The following AOPEP variants were observed in gnomAD, a reference collection of about 807,000 sequenced individuals.
AOPEP encodes the protein aminopeptidase O (putative), also known as aminopeptidase O.
AOPEP carries 77 observed loss-of-function variants against 98.1 expected under a neutral mutation model. The observed-to-expected ratio is 0.78, with a 90% CI of 0.65 to 0.95. AOPEP has a LOEUF of 0.95. Ranked by LOEUF, AOPEP falls within the 40% of genes least tolerant of loss-of-function variation. AOPEP has a pLI of 0.00. For missense variants in AOPEP, 1,024 were observed against 1,024.7 expected, an observed-to-expected ratio of 1.00 and a Z score of 0.01; for synonymous variants, 346 against 365.3, an observed-to-expected ratio of 0.95 and a Z score of 0.60.
intron 5 of AOPEP, among the ~76,000 whole-genome samples, chr9:94,830,430 C>T (rs966700007): frequency 2.0e-5 from 3 of 152,192 alleles, no homozygotes; most frequent in African/African-American, 7.2e-5. Flanking sequence ...TTTTCTTTAT[C>T]CAGCTTATCT....
the AOPEP span, among the ~76,000 whole-genome samples, chr9:95,108,963 T>C: frequency 1.3e-5 from 2 of 151,902 alleles, no homozygotes; most frequent in Admixed American, 6.6e-5. Context: ...TGGAATGCAG[T>C]GGTGCAATCT....
rs544821131 is a variant in AOPEP at position 95,085,098 on chromosome 9, CA to C, written c.*5-1581del. The C allele has an allele frequency of 9.5e-4, 361 of 378,894 alleles. 1 individual carries two copies. The highest frequency in any genetic ancestry group is 1.6e-3 in the Non-Finnish European group (304 of 185,262). 23.5% of individuals were successfully genotyped at this position (378,894 alleles called of 1,614,324 possible). ...TCTAGGATGCCAACTAAACGAACAA[CA>C]AACAGAAACTCCACCTGTTTGCTAG... On this transcript the variant is annotated intron_variant, in intron 16 of 16. Transcript: ENST00000375315.
At position 95,060,992 on chromosome 9, in the gene AOPEP, AT is replaced by A. The variant is rs1044830033; in HGVS notation, c.2232+186del. ...TTATGCTTATGCTTCTAATCAGAGT[AT>A]TTTGAGGTCTTAAGTTTTTCCCTCT... On this transcript the variant is annotated intron_variant, in intron 14 of 16. Transcript: ENST00000375315. The A allele has an allele frequency of 2.2e-4, 114 of 525,170 alleles. 1 individual carries two copies. The South Asian group carries it at 2.4e-3, about 11-fold the overall frequency. The allele number at this position is 525,170 out of a possible 1,614,324, so 32.5% of individuals were successfully genotyped here.
At chr9:95,079,786 A>G (rs1027253517) in intron 14 of AOPEP, among the ~76,000 whole-genome samples, 19 of 152,198 alleles carry the variant, frequency 1.2e-4, no homozygotes, top group African/African-American at 4.6e-4. Context: ...GTATCTTTTA[A>G]AAGAACAGCA....
At chr9:95,126,521 A>C in the AOPEP span, 1 of 1,613,544 alleles carries the variant, frequency 6.2e-7, no homozygotes, top group Non-Finnish European at 8.5e-7. Context: ...AAACAGTGTA[A>C]CGTTTACCTG....
rs146176950 is a variant in AOPEP, at chr9:95,035,827, A to ATT, written c.2116-24856_2116-24855dup. ...TGAGCCACTGCGCCCAGCCCAGATA[A>ATT]TTTTTTTTTTTTAAAGAAATTGCTG... On this transcript the variant is annotated intron_variant, in intron 13 of 16. Transcript: ENST00000375315. Among the ~76,000 whole-genome samples the ATT allele has an allele frequency of 9.1e-3, 1,347 of 147,470 alleles. 22 individuals are homozygous for ATT. Among genetic ancestry groups the ATT allele is most frequent in the African/African-American group, 0.032 (1,284 of 40,448 alleles).
chr9:94,906,765 G>A (rs2051208780), intron 5 of AOPEP, among the ~76,000 whole-genome samples: 1 of 152,198 alleles, frequency 6.6e-6, no homozygotes, highest in Non-Finnish European at 1.5e-5. Flanking sequence ...GTTTGCTAAT[G>A]TATCCCAAGC....
intron 4 of AOPEP, among the ~76,000 whole-genome samples, chr9:94,797,184 A>C (rs2133617078): frequency 6.6e-6 from 1 of 152,346 alleles, no homozygotes; most frequent in African/African-American, 2.4e-5. Context: ...CATTAATCCC[A>C]GCAATTTGGG....
the AOPEP span, chr9:95,101,608 C>G: frequency 1.1e-5 from 16 of 1,437,684 alleles, no homozygotes; most frequent in Non-Finnish European, 1.4e-5. Flanking sequence ...CCAGCGAGGG[C>G]ACTTACTCCA....
At chr9:95,147,044 G>A in the AOPEP span, among the ~76,000 whole-genome samples, 2 of 149,858 alleles carry the variant, frequency 1.3e-5, no homozygotes, top group Non-Finnish European at 3.0e-5. Context: ...TATATACAGT[G>A]TATATTTTAC....
intron 2 of AOPEP, among the ~76,000 whole-genome samples, chr9:94,764,021 G>C (rs1839002988): frequency 1.3e-5 from 2 of 152,284 alleles, no homozygotes; most frequent in South Asian, 2.1e-4. Flanking sequence ...CTGCCGAAGA[G>C]AACAGAATGG....
At chr9:94,795,029 A>T (rs1324339040) in intron 4 of AOPEP, among the ~76,000 whole-genome samples, 1 of 152,228 alleles carries the variant, frequency 6.6e-6, no homozygotes, top group Non-Finnish European at 1.5e-5. Flanking sequence ...GTCAGAAACT[A>T]AGTCTTGATC....
intron 1 of AOPEP, among the ~76,000 whole-genome samples, chr9:94,729,534 C>G (rs1830022035): frequency 2.0e-5 from 3 of 150,272 alleles, no homozygotes; most frequent in Admixed American, 2.0e-4. Flanking sequence ...GGTGGCGCCA[C>G]TGCACTCCAG....
At chr9:95,065,141 A>G (rs1025986090) in intron 14 of AOPEP, among the ~76,000 whole-genome samples, 2 of 152,242 alleles carry the variant, frequency 1.3e-5, no homozygotes, top group African/African-American at 4.8e-5. Flanking sequence ...CTTAGAGGAA[A>G]GGTTAGATAT....
At chr9:95,143,676 T>A in the AOPEP span, among the ~76,000 whole-genome samples, 4 of 152,196 alleles carry the variant, frequency 2.6e-5, no homozygotes, top group Non-Finnish European at 5.9e-5. Context: ...AAATTCTCCA[T>A]CCAGTCTTCA....
At chr9:94,849,498 C>A (rs1162392793) in intron 5 of AOPEP, among the ~76,000 whole-genome samples, 1 of 72,572 alleles carries the variant, frequency 1.4e-5, no homozygotes, top group Non-Finnish European at 2.5e-5. Context: ...TTTTTTCTTT[C>A]TTTCTTTCTT....
chr9:94,762,185 C>T (rs948936297), intron 2 of AOPEP, among the ~76,000 whole-genome samples: 15 of 152,174 alleles, frequency 9.9e-5, no homozygotes, highest in African/African-American at 3.1e-4. Flanking sequence ...CGGTGGCTCA[C>T]GCCTGTAATC....
intron 7 of AOPEP, among the ~76,000 whole-genome samples, chr9:94,948,277 C>T (rs1383772687): frequency 6.6e-6 from 1 of 151,920 alleles, no homozygotes; most frequent in Admixed American, 6.6e-5. Flanking sequence ...ACCCTTGGGG[C>T]TCTGTTTTTT....
At chr9:95,149,206 T>C in the AOPEP span, among the ~76,000 whole-genome samples, 2 of 152,032 alleles carry the variant, frequency 1.3e-5, no homozygotes, top group Non-Finnish European at 2.9e-5. Flanking sequence ...ATATGATAAA[T>C]ATTAATAAGG....
Sources: allele counts gnomAD v4.1 joint callset (sites outside exome capture counted in the v4.1 genomes callset), GRCh38; gene constraint gnomAD v4.1.1; transcripts MANE v1.5; gene names NCBI Gene and HGNC (gene_info 2026-07-23, HGNC 2026-07-21).